Variants in TMTC2 observed in about 807,000 individuals in gnomAD.
TMTC2 encodes the protein protein O-mannosyl-transferase TMTC2.
In TMTC2, 43 loss-of-function variants were observed where a neutral mutation model predicts 82.4. The ratio of observed to expected loss-of-function variants is 0.52; its 90% confidence interval spans 0.41 to 0.67. The LOEUF is 0.67. Among genes scored for constraint, TMTC2 ranks in the 30% least tolerant of loss-of-function variants. TMTC2 has a pLI of 0.00. For synonymous variants in TMTC2, 408 were observed against 381.9 expected (o/e 1.07, Z -0.80); for missense variants, 919 against 1,012.4 (o/e 0.91, Z 1.25).
intron 8 of TMTC2, among the ~76,000 whole-genome samples, chr12:83,023,024 G>A (rs907349857): frequency 1.3e-5 from 2 of 152,138 alleles, no homozygotes; most frequent in East Asian, 1.9e-4. Flanking sequence ...TGTATTTAAA[G>A]GTATTTTCTT....
chr12:82,908,387 CAGTAG>C (rs10564808), intron 3 of TMTC2, among the ~76,000 whole-genome samples: 83,290 of 151,262 alleles, frequency 0.55, 23,673 homozygotes, highest in Middle Eastern at 0.67. Flanking sequence ...TAACTTTTAT[CAGTAG>C]AGTTTTCCTC....
chr12:82,881,458 T>G (rs1872820678), intron 2 of TMTC2, among the ~76,000 whole-genome samples: 1 of 152,202 alleles, frequency 6.6e-6, no homozygotes, highest in African/African-American at 2.4e-5. Context: ...CGATTACAAT[T>G]ACACAAAGAT....
At chr12:82,944,902 T>C (rs574165956) in intron 4 of TMTC2, among the ~76,000 whole-genome samples, 1 of 152,330 alleles carries the variant, frequency 6.6e-6, no homozygotes, top group Non-Finnish European at 1.5e-5. Context: ...TTATGAAATA[T>C]ATGGACACAA....
intron 1 of TMTC2, among the ~76,000 whole-genome samples, chr12:82,748,526 C>CT (rs1432004771): frequency 6.6e-6 from 1 of 152,012 alleles, no homozygotes; most frequent in Non-Finnish European, 1.5e-5. Context: ...ATAGTATTAA[C>CT]TTTATACCTG....
At chr12:83,077,257 G>T (rs560628416) in intron 11 of TMTC2, among the ~76,000 whole-genome samples, 1 of 152,330 alleles carries the variant, frequency 6.6e-6, no homozygotes, top group African/African-American at 2.4e-5. Context: ...AGACACTCAT[G>T]GGAGTGGTGC....
intron 1 of TMTC2, among the ~76,000 whole-genome samples, chr12:82,755,714 A>G (rs929445055): frequency 5.3e-4 from 80 of 152,140 alleles, no homozygotes; most frequent in African/African-American, 1.9e-3. Context: ...AACCAGTTTG[A>G]GTTGGATTTC....
chr12:82,763,570 GAC>G, intron 1 of TMTC2, among the ~76,000 whole-genome samples: 1 of 152,230 alleles, frequency 6.6e-6, no homozygotes. Flanking sequence ...AATAAAAGAA[GAC>G]ACAGACAAAA....
intron 1 of TMTC2, among the ~76,000 whole-genome samples, chr12:82,808,102 TA>T (rs962386461): frequency 1.3e-5 from 2 of 151,824 alleles, no homozygotes; most frequent in African/African-American, 4.8e-5. Flanking sequence ...AAAAACTGTT[TA>T]AAAAACAGTG....
intron 9 of TMTC2, among the ~76,000 whole-genome samples, chr12:83,037,723 A>G (rs1451034449): frequency 6.6e-6 from 1 of 152,150 alleles, no homozygotes; most frequent in East Asian, 1.9e-4. Context: ...TACATAAGAT[A>G]CTTTCCAAAG....
chr12:82,765,243 C>G (rs1876883472), intron 1 of TMTC2, among the ~76,000 whole-genome samples: 1 of 152,080 alleles, frequency 6.6e-6, no homozygotes, highest in African/African-American at 2.4e-5. Flanking sequence ...TTTCATATTT[C>G]AAAGCACCTT....
intron 3 of TMTC2, among the ~76,000 whole-genome samples, chr12:82,917,068 C>A (rs2137220663): frequency 6.6e-6 from 1 of 152,060 alleles, no homozygotes; most frequent in East Asian, 1.9e-4. Flanking sequence ...CTCTTATTTC[C>A]CTGGAGTCAC....
At chr12:83,101,560 A>G (rs913101776) in intron 11 of TMTC2, among the ~76,000 whole-genome samples, 8 of 152,334 alleles carry the variant, frequency 5.3e-5, no homozygotes, top group South Asian at 2.1e-4. Flanking sequence ...GTGAATCACC[A>G]CCAATGTTTA....
chr12:82,968,844 G>C (rs1878331012), intron 7 of TMTC2, among the ~76,000 whole-genome samples: 1 of 152,150 alleles, frequency 6.6e-6, no homozygotes, highest in Non-Finnish European at 1.5e-5. Context: ...TTTTCCATTA[G>C]AGAAGGAGAT....
intron 1 of TMTC2, among the ~76,000 whole-genome samples, chr12:82,734,372 AGTGAG>A (rs1874981200): frequency 6.6e-6 from 1 of 152,032 alleles, no homozygotes; most frequent in East Asian, 1.9e-4. Context: ...TGATTGTAGG[AGTGAG>A]GTTCCTGTGT....
At chr12:82,847,909 A>G (rs1464999000) in intron 1 of TMTC2, among the ~76,000 whole-genome samples, 2 of 152,142 alleles carry the variant, frequency 1.3e-5, no homozygotes, top group African/African-American at 2.4e-5. Flanking sequence ...TCAAGCCTGC[A>G]CGTTGTGCAC....
At chr12:82,926,222 G>A (rs1289781047) in intron 3 of TMTC2, among the ~76,000 whole-genome samples, 8 of 152,044 alleles carry the variant, frequency 5.3e-5, no homozygotes, top group Non-Finnish European at 1.0e-4. Flanking sequence ...CTCGTGATCC[G>A]CCTGCCTCAG....
chr12:83,055,018 A>G (rs1428624872), intron 10 of TMTC2, among the ~76,000 whole-genome samples: 1 of 152,098 alleles, frequency 6.6e-6, no homozygotes, highest in Non-Finnish European at 1.5e-5. Flanking sequence ...CTACACAGCT[A>G]GGAATAATTC....
At chr12:82,753,326 CTTT>C (rs541318020) in intron 1 of TMTC2, among the ~76,000 whole-genome samples, 3 of 129,532 alleles carry the variant, frequency 2.3e-5, no homozygotes, top group Admixed American at 7.8e-5. Context: ...AACATAATGG[CTTT>C]TTTTTTTTTT....
chr12:82,990,319 T>G (rs1489033962), intron 8 of TMTC2, among the ~76,000 whole-genome samples: 1 of 152,204 alleles, frequency 6.6e-6, no homozygotes, highest in African/African-American at 2.4e-5. Flanking sequence ...AGTACTTTTA[T>G]TACAGTCAGT....
Sources: gnomAD v4.1 joint callset for allele counts (sites outside exome capture counted in the v4.1 genomes callset) on GRCh38, gnomAD v4.1.1 for gene constraint, MANE v1.5 for transcripts, NCBI Gene and HGNC (gene_info 2026-07-23, HGNC 2026-07-21) for gene names.